The following CNTN6 variants were observed in gnomAD, a reference collection of about 807,000 sequenced individuals.
CNTN6 encodes the protein contactin 6.
In CNTN6, 137 loss-of-function variants were observed where a neutral mutation model predicts 122.8. The observed-to-expected ratio is 1.12, with a 90% CI of 0.97 to 1.29. The LOEUF is 1.29. Ranked by LOEUF, CNTN6 falls within the 50% of genes most tolerant of loss-of-function variation. CNTN6 has a pLI of 0.00. For synonymous variants in CNTN6, 570 were observed against 426.0 expected (o/e 1.34, Z -4.16); for missense variants, 1,634 against 1,223.4 (o/e 1.34, Z -5.01).
chr3:1,249,760 A>T (rs148147533), intron 4 of CNTN6, among the ~76,000 whole-genome samples: 1 of 152,240 alleles, frequency 6.6e-6, no homozygotes, highest in Admixed American at 6.5e-5. Context: ...CCATCCAAAC[A>T]AGCTACTAGA....
intron 4 of CNTN6, among the ~76,000 whole-genome samples, chr3:1,234,691 A>T (rs140577758): frequency 6.9e-6 from 1 of 144,096 alleles, no homozygotes; most frequent in East Asian, 1.9e-4. Context: ...CCTTTTTTCT[A>T]CATCAGAAAA....
intron 1 of CNTN6, among the ~76,000 whole-genome samples, chr3:1,126,553 T>G (rs1471383518): frequency 1.3e-5 from 2 of 151,918 alleles, no homozygotes; most frequent in African/African-American, 4.8e-5. Context: ...ACTCTGCCTA[T>G]TTTCCTACTG....
intron 4 of CNTN6, among the ~76,000 whole-genome samples, chr3:1,245,587 C>G (rs537478094): frequency 6.6e-5 from 10 of 150,552 alleles, no homozygotes; most frequent in African/African-American, 2.4e-4. Flanking sequence ...GTACAGTGTA[C>G]GTGGCTCAGG....
chr3:1,120,209 G>T (rs2091897875), intron 1 of CNTN6, among the ~76,000 whole-genome samples: 2 of 151,638 alleles, frequency 1.3e-5, no homozygotes, highest in African/African-American at 4.8e-5. Context: ...GTAGATACAT[G>T]TTTTCATTTG....
intron 1 of CNTN6, among the ~76,000 whole-genome samples, chr3:1,142,898 A>G (rs1439402711): frequency 6.7e-6 from 1 of 150,148 alleles, no homozygotes; most frequent in South Asian, 2.1e-4. Flanking sequence ...ATGTATTTTT[A>G]TTTGCATGCA....
intron 1 of CNTN6, among the ~76,000 whole-genome samples, chr3:1,110,912 C>T (rs1317141541): frequency 6.6e-6 from 1 of 152,118 alleles, no homozygotes; most frequent in African/African-American, 2.4e-5. Context: ...GTAAAGAACT[C>T]GAATTTTAGA....
intron 16 of CNTN6, among the ~76,000 whole-genome samples, chr3:1,374,657 T>C (rs577880732): frequency 6.8e-4 from 103 of 152,160 alleles, no homozygotes; most frequent in African/African-American, 2.3e-3. Context: ...TGGATCCTCT[T>C]TGTTCCACTC....
chr3:1,197,181 G>A (rs1398311108), intron 2 of CNTN6, among the ~76,000 whole-genome samples: 1 of 152,182 alleles, frequency 6.6e-6, no homozygotes, highest in Non-Finnish European at 1.5e-5. Context: ...AGTCATTGCA[G>A]TGCCATTGTT....
In CNTN6 at chr3:1,266,641, G is replaced by A. The variant is rs896583339; in HGVS notation, c.359-11772G>A. Among the ~76,000 whole-genome samples the A allele has an allele frequency of 3.3e-5, 5 of 152,228 alleles. No homozygotes were observed. The South Asian group carries it at 6.2e-4, about 19-fold the overall frequency. On this transcript the variant is annotated intron_variant, in intron 4 of 22. Transcript: ENST00000446702. ...TTAAACCATCACAATGAATAAAAGG[G>A]CTTATTAAGGGCTCTGTCTATGAAG...
At chr3:1,379,731 C>T (rs972656300) in intron 17 of CNTN6, among the ~76,000 whole-genome samples, 6 of 152,166 alleles carry the variant, frequency 3.9e-5, no homozygotes, top group Admixed American at 2.0e-4. Context: ...TATGCAGATA[C>T]TTGCAGAAAG....
rs2094566044 is a variant in CNTN6, at chr3:1,245,315, TATA to T, written c.358+17323_358+17325del. Among the ~76,000 whole-genome samples the T allele has an allele frequency of 9.1e-5, 2 of 21,962 alleles. 1 individual carries two copies. The highest frequency in any genetic ancestry group is 1.7e-4 in the Non-Finnish European group (2 of 11,614). The allele number at this position is 21,962 out of a possible 152,430, so 14.4% of individuals were successfully genotyped here. Reference sequence around the variant, plus strand: ...TATAACATATATATATATATATATATATATATATATATATATATATAGCATGGA... The same window carrying T: ...TATAACATATATATATATATATATATTATATATATATATATATAGCATGGA... On this transcript the variant is annotated intron_variant, in intron 4 of 22. Coordinates refer to ENST00000446702, the MANE Select transcript of CNTN6 (RefSeq NM_001289080.2).
At chr3:1,304,293 TTC>T (rs201648022) in intron 7 of CNTN6, among the ~76,000 whole-genome samples, 12 of 110,312 alleles carry the variant, frequency 1.1e-4, no homozygotes, top group South Asian at 4.1e-4. Context: ...GGTTTTTTTT[TTC>T]CATATATTTG....
In CNTN6 at chr3:1,329,873, T is replaced by C. The variant is rs568155420; in HGVS notation, c.1302T>C (p.Asn434=). The stretch of plus-strand genomic sequence containing the variant: ...ATATTGTTATCGGATGCAAACCAAA[T>C]GCTTTTCCCAGGGCAGCTATCTCTT... ...GGDIVIGCKP[N]AFPRAAISWK... The change falls in exon 11 of 23, where the codon AAT becomes AAC. Residue 434 remains asparagine, a synonymous_variant. Transcript: ENST00000446702. The C allele has an allele frequency of 4.8e-5, 78 of 1,610,788 alleles. No homozygotes were observed. Among genetic ancestry groups the C allele is most frequent in the Non-Finnish European group, 6.5e-5 (76 of 1,178,042 alleles).
At chr3:1,389,488 G>A (rs1319636212) in intron 20 of CNTN6, among the ~76,000 whole-genome samples, 2 of 152,032 alleles carry the variant, frequency 1.3e-5, no homozygotes, top group Non-Finnish European at 1.5e-5. Flanking sequence ...TCAAGACTAG[G>A]AAGAAACTGC....
intron 4 of CNTN6, among the ~76,000 whole-genome samples, chr3:1,276,836 G>A (rs1201804079): frequency 6.6e-6 from 1 of 152,118 alleles, no homozygotes; most frequent in East Asian, 1.9e-4. Context: ...TAAAGTTGAC[G>A]TTCCAGATTA....
intron 12 of CNTN6, among the ~76,000 whole-genome samples, chr3:1,356,616 G>A (rs914857315): frequency 6.6e-6 from 1 of 151,772 alleles, no homozygotes; most frequent in Non-Finnish European, 1.5e-5. Context: ...CACTTTCAGA[G>A]AAATGACAAG....
chr3:1,165,322 A>G (rs918210181), intron 2 of CNTN6, among the ~76,000 whole-genome samples: 1 of 151,734 alleles, frequency 6.6e-6, no homozygotes, highest in African/African-American at 2.4e-5. Context: ...TATCAGCCCC[A>G]CTCTTCCTCC....
intron 1 of CNTN6, among the ~76,000 whole-genome samples, chr3:1,102,176 A>G (rs551718188): frequency 6.6e-6 from 1 of 152,186 alleles, no homozygotes; most frequent in East Asian, 1.9e-4. Context: ...TTTTTTGCAT[A>G]TTGTTTCAAG....
chr3:1,356,203 A>C (rs2126087770), intron 12 of CNTN6, among the ~76,000 whole-genome samples: 1 of 151,996 alleles, frequency 6.6e-6, no homozygotes, highest in South Asian at 2.1e-4. Context: ...ATTAAAAAGC[A>C]GAGTAACAGC....
Sources: allele counts gnomAD v4.1 joint callset (sites outside exome capture counted in the v4.1 genomes callset), GRCh38; gene constraint gnomAD v4.1.1; transcripts MANE v1.5; gene names NCBI Gene and HGNC (gene_info 2026-07-23, HGNC 2026-07-21).